NSG1: variants seen among roughly 807,000 people sequenced by gnomAD.
NSG1 encodes neuronal vesicle trafficking associated 1, also known as neuronal vesicle trafficking-associated protein 1.
NSG1 carries 9 observed loss-of-function variants against 19.3 expected under a neutral mutation model. That is an observed-to-expected ratio of 0.47 (90% CI 0.28 to 0.81). The LOEUF is 0.81. Ranked by LOEUF, NSG1 falls within the 40% of genes least tolerant of loss-of-function variation. The pLI, the probability that NSG1 is intolerant of heterozygous loss-of-function variation, is 0.11. For synonymous variants in NSG1, 104 were observed against 107.0 expected, an observed-to-expected ratio of 0.97 and a Z score of 0.17; for missense variants, 236 against 242.4, an observed-to-expected ratio of 0.97 and a Z score of 0.18.
Position 4,418,370 on chromosome 4 carries a change from A to T in NSG1, c.*935A>T, listed in dbSNP as rs1284311332. On this transcript the variant is annotated 3_prime_UTR_variant, in exon 5 of 5. Coordinates refer to ENST00000621129, the MANE Select transcript of NSG1 (RefSeq NM_014392.5). ...TTTCTGGTAAGCTTGAGCTACTTTAATTTTTATTCTATGAAACTGATATCC... is the reference window on the plus strand; with the variant it reads ...TTTCTGGTAAGCTTGAGCTACTTTATTTTTTATTCTATGAAACTGATATCC... 1 of 129,436 alleles carries T rather than the reference A, an allele frequency of 7.7e-6. No individual in the cohort carries two copies. The highest frequency in any genetic ancestry group is 3.0e-5 in the African/African-American group (1 of 33,548). The allele number at this position is 129,436 out of a possible 1,614,324, so 8.0% of individuals were successfully genotyped here. A position where few individuals can be genotyped will look rare whatever the true frequency, so the allele number is the denominator to read the frequency against.
At chr4:4,389,486 T>G (rs1218669248) in intron 2 of NSG1, among the ~76,000 whole-genome samples, 1 of 152,170 alleles carries the variant, frequency 6.6e-6, no homozygotes, top group African/African-American at 2.4e-5. Context: ...ATGAGGGAAC[T>G]GAGCCTCAGA....
rs1189605316 is a variant in NSG1, at chr4:4,417,686, T to C, written c.*251T>C. Reference sequence around the variant, plus strand: ...TGTTAAGATCTTCATTTAGCTCCTTTACTGGGATTTATTGGATGCTGTAAA... The same window carrying C: ...TGTTAAGATCTTCATTTAGCTCCTTCACTGGGATTTATTGGATGCTGTAAA... On this transcript the variant is annotated 3_prime_UTR_variant, in exon 5 of 5. Coordinates refer to ENST00000621129, the MANE Select transcript of NSG1 (RefSeq NM_014392.5). The C allele has an allele frequency of 3.9e-6, 2 of 510,318 alleles. No homozygotes were observed. The highest frequency in any genetic ancestry group is 7.0e-6 in the Non-Finnish European group (2 of 283,736). 31.6% of individuals were successfully genotyped at this position (510,318 alleles called of 1,614,324 possible).
intron 3 of NSG1, among the ~76,000 whole-genome samples, chr4:4,396,648 T>C (rs960440525): frequency 5.4e-5 from 8 of 149,408 alleles, no homozygotes; most frequent in Non-Finnish European, 1.0e-4. Flanking sequence ...TTGTGTCTTT[T>C]CTTCACATCC....
At chr4:4,402,389 T>A (rs1438456763) in intron 3 of NSG1, among the ~76,000 whole-genome samples, 20 of 105,912 alleles carry the variant, frequency 1.9e-4, no homozygotes, top group East Asian at 1.5e-3. Flanking sequence ...TTTTTTTTTT[T>A]TTTTTTTTTT....
At chr4:4,409,490 G>A (rs898036639) in intron 3 of NSG1, 83 bp from the exon 4 acceptor site, 1 of 977,946 alleles carries the variant, frequency 1.0e-6, no homozygotes. Context: ...ATGCTGTGTG[G>A]GGGGGGGCCT....
chr4:4,410,771 G>A (rs35497548), intron 4 of NSG1, among the ~76,000 whole-genome samples: 5,726 of 152,246 alleles, frequency 0.038, 120 homozygotes, highest in Non-Finnish European at 0.046. Context: ...ACGAGTGAGC[G>A]CTGGACATGT....
chr4:4,417,190 C>G (rs1430777133), intron 4 of NSG1, 45 bp from the exon 5 acceptor site: 1 of 1,552,424 alleles, frequency 6.4e-7, no homozygotes, highest in African/African-American at 1.4e-5. Flanking sequence ...CACTGGCACC[C>G]CCTCTTGCAC....
At chr4:4,403,776 T>C (rs966542454) in intron 3 of NSG1, among the ~76,000 whole-genome samples, 3 of 152,130 alleles carry the variant, frequency 2.0e-5, no homozygotes, top group African/African-American at 7.2e-5. Flanking sequence ...CTTGCAGGTG[T>C]TGTGTTAGGA....
At position 4,387,708 on chromosome 4, in the gene NSG1, C is replaced by G. The variant is rs538259777; in HGVS notation, c.79C>G (p.Leu27Val). The change falls in exon 2 of 5, where the codon CTG (leucine) becomes GTG (valine). Residue 27 changes from leucine (L) to valine (V), a missense_variant. Transcript: ENST00000621129. Reference sequence around the variant, plus strand: ...GGAGGATGGCTTCGACACCATTCCCCTGATGACGCCCCTCGATGTCAATCA... The same window carrying G: ...GGAGGATGGCTTCGACACCATTCCCGTGATGACGCCCCTCGATGTCAATCA... ...LLEDGFDTIP[L>V]MTPLDVNQLQ... The G allele has an allele frequency of 6.2e-7, 1 of 1,613,524 alleles. No individual in the cohort carries two copies.
At chr4:4,406,189 G>A (rs1052912904) in intron 3 of NSG1, among the ~76,000 whole-genome samples, 1 of 152,022 alleles carries the variant, frequency 6.6e-6, no homozygotes, top group African/African-American at 2.4e-5. Context: ...CACCACGCCC[G>A]GCTAATTTTT....
intron 3 of NSG1, among the ~76,000 whole-genome samples, chr4:4,396,025 C>T (rs1399727745): frequency 1.3e-5 from 2 of 152,284 alleles, no homozygotes; most frequent in Middle Eastern, 3.4e-3. Flanking sequence ...CTCCGCCACA[C>T]GGGATGGCAG....
chr4:4,395,097 G>T (rs1469844989), intron 3 of NSG1, among the ~76,000 whole-genome samples: 2 of 152,214 alleles, frequency 1.3e-5, no homozygotes. Context: ...CATTCTAAGG[G>T]CATCTCTTCT....
intron 4 of NSG1, among the ~76,000 whole-genome samples, chr4:4,411,884 A>T (rs1465847323): frequency 6.6e-6 from 1 of 152,132 alleles, no homozygotes; most frequent in Non-Finnish European, 1.5e-5. Flanking sequence ...ATGCACTCTA[A>T]AATACTGATT....
At chr4:4,417,110 C>A in intron 4 of NSG1, 125 bp from the exon 5 acceptor site, 1 of 766,962 alleles carries the variant, frequency 1.3e-6, no homozygotes, top group Admixed American at 2.2e-5. Flanking sequence ...CCCGTTTTTG[C>A]TCATCACTGT....
At chr4:4,402,691 C>A (rs1049055700) in intron 3 of NSG1, among the ~76,000 whole-genome samples, 2 of 152,182 alleles carry the variant, frequency 1.3e-5, no homozygotes, top group African/African-American at 4.8e-5. Context: ...CCCGGCCTTT[C>A]TCCTTTGATT....
At chr4:4,416,286 C>G in intron 4 of NSG1, 1 of 693,880 alleles carries the variant, frequency 1.4e-6, no homozygotes, top group African/African-American at 1.8e-5. Flanking sequence ...ACACTGGATG[C>G]GGGGCAGTGT....
intron 4 of NSG1, chr4:4,416,214 G>A (rs747155172): frequency 1.1e-5 from 8 of 702,060 alleles, no homozygotes; most frequent in Non-Finnish European, 2.1e-5. Context: ...TGGTACGGTG[G>A]GCCTGGCTCC....
chr4:4,387,534 G>A, intron 1 of NSG1, 70 bp from the exon 2 acceptor site: 1 of 1,030,826 alleles, frequency 9.7e-7, no homozygotes, highest in South Asian at 1.6e-5. Flanking sequence ...GGTGGGTGTG[G>A]GTGCCCACTT....
At chr4:4,412,704 C>T (rs987028160) in intron 4 of NSG1, among the ~76,000 whole-genome samples, 3 of 152,200 alleles carry the variant, frequency 2.0e-5, no homozygotes, top group African/African-American at 7.2e-5. Flanking sequence ...TCCATACACT[C>T]GGTAGCTGTG....
Sources: allele counts gnomAD v4.1 joint callset (sites outside exome capture counted in the v4.1 genomes callset), GRCh38; gene constraint gnomAD v4.1.1; transcripts MANE v1.5; gene names NCBI Gene and HGNC (gene_info 2026-07-23, HGNC 2026-07-21).